Variants in GGCX observed in about 807,000 individuals in gnomAD.
The protein encoded by GGCX is vitamin K-dependent gamma-carboxylase.
Under a neutral mutation model 88.5 loss-of-function variants are expected in GGCX, and 63 were observed. The observed-to-expected ratio is 0.71, with a 90% CI of 0.58 to 0.88. The LOEUF is 0.88. GGCX is among the 40% of genes least tolerant of loss of function. GGCX has a pLI of 0.00. For missense variants in GGCX, 805 were observed against 932.9 expected (o/e 0.86, Z 1.79); for synonymous variants, 368 against 365.8 (o/e 1.01, Z -0.07).
chr2:85,550,637 C>CCT lies in GGCX; in HGVS notation c.2000_2001dup (p.Glu668ArgfsTer31). ...GGAGTATTTCGCCGGCGTTCAATCT[C>CCT]CTGGAGCCTTTGTTGGCGTCTAAGA... On this transcript the variant is annotated frameshift_variant, in exon 14 of 15. Coordinates refer to ENST00000233838, the MANE Select transcript of GGCX (RefSeq NM_000821.7). LOFTEE classifies it high-confidence loss of function. The CCT allele has an allele frequency of 6.2e-7, 1 of 1,614,044 alleles. No individual in the cohort carries two copies. Among genetic ancestry groups the CCT allele is most frequent in the Non-Finnish European group, 8.5e-7 (1 of 1,179,902 alleles).
intron 12 of GGCX, 36 bp downstream of exon 12, chr2:85,551,444 C>T (rs776151639): frequency 1.6e-5 from 25 of 1,609,140 alleles, no homozygotes; most frequent in South Asian, 2.2e-5. Context: ...CTACTGCACT[C>T]AGTTCTTTCT....
chr2:85,557,469 C>T (rs2103981334), intron 4 of GGCX, among the ~76,000 whole-genome samples: 1 of 152,308 alleles, frequency 6.6e-6, no homozygotes, highest in Non-Finnish European at 1.5e-5. Context: ...GCCTGGGCGA[C>T]ACAGTGAGAT....
rs557228790 is a variant in GGCX, at chr2:85,551,852, T to G, written c.1569A>C (p.Leu523=). 8.1e-6 allele frequency: 13 copies of G among 1,614,024 alleles called. No homozygotes were observed. Among genetic ancestry groups the G allele is most frequent in the South Asian group, 2.2e-5 (2 of 91,084 alleles). The change falls in exon 11 of 15, where the codon CTA becomes CTC. Residue 523 remains leucine (L), a synonymous_variant. Transcript: ENST00000233838. Reference sequence around the variant, plus strand: ...TGAAGACCACCTCAGTGTGGTTGTCTAGGCTGCTCTTGATTTCCTGTAACT... The same window carrying G: ...TGAAGACCACCTCAGTGTGGTTGTCGAGGCTGCTCTTGATTTCCTGTAACT... ...RAKLQEIKSS[L]DNHTEVVFIA...
chr2:85,559,607 C>G (rs1004160902), intron 2 of GGCX, among the ~76,000 whole-genome samples: 1 of 151,996 alleles, frequency 6.6e-6, no homozygotes, highest in African/African-American at 2.4e-5. Context: ...CCCAGCTACT[C>G]GGGAAGCTGA....
rs1431383839 is a variant in GGCX at position 85,545,911 on chromosome 2, C to T, written c.*4023G>A. ...AAATAATGCAAATTAGCTGAAAATG[C>T]TATAAATTTCCAAAGGCTTAAATTT... On this transcript the variant is annotated 3_prime_UTR_variant, in exon 15 of 15. Coordinates refer to ENST00000233838, the MANE Select transcript of GGCX (RefSeq NM_000821.7). 2 of 152,186 alleles carry T rather than the reference C, an allele frequency of 1.3e-5. No homozygotes were observed. The highest frequency in any genetic ancestry group is 1.5e-5 in the Non-Finnish European group (1 of 68,038). 9.4% of individuals were successfully genotyped at this position (152,186 alleles called of 1,614,324 possible).
Position 85,550,665 on chromosome 2 carries a change from G to C in GGCX, c.1974C>G (p.Thr658=), listed in dbSNP as rs764091633. The C allele has an allele frequency of 3.7e-6, 6 of 1,613,828 alleles. No individual in the cohort carries two copies. The East Asian group carries it at 1.3e-4, about 36-fold the overall frequency. ...GGAGCCTTTGTTGGCGTCTAAGAAA[G>C]GTCTGAACCAGAGGTGTTGGCTCAG... ...GGPEPTPLVQ[T]FLRRQQRLQE... The change falls in exon 14 of 15, where the codon ACC becomes ACG. Residue 658 remains threonine (T), a synonymous_variant. Transcript: ENST00000233838.
chr2:85,555,500 G>A lies in GGCX; in HGVS notation c.709C>T (p.Leu237Phe). 1 of 1,580,322 alleles carries A rather than the reference G, an allele frequency of 6.3e-7. No individual in the cohort carries two copies. Among genetic ancestry groups the A allele is most frequent in the Non-Finnish European group, 8.7e-7 (1 of 1,149,156 alleles). The change falls in exon 6 of 15, where the codon CTC becomes TTC. Residue 237 changes from leucine to phenylalanine, a missense_variant. Physicochemically the swap from Leu to Phe is conservative, Grantham distance 22 (BLOSUM62 0). Around this residue, in one of 3 missense-constraint regions of GGCX, gnomAD observed 680 missense variants for 763.7 expected, o/e 0.89. Coordinates refer to ENST00000233838, the MANE Select transcript of GGCX (RefSeq NM_000821.7). ...GCCACTCACTTGAAGGGACTGAAGAGCCAGTGCCGGGACAAATATTCCATG... is the reference window on the plus strand; with the variant it reads ...GCCACTCACTTGAAGGGACTGAAGAACCAGTGCCGGGACAAATATTCCATG... ...YSMEYLSRHW[L>F]FSPFKLLLSE...
In GGCX at chr2:85,561,481, G is replaced by A. The variant is rs886056381; in HGVS notation, c.-53C>T. The A allele has an allele frequency of 4.3e-6, 6 of 1,389,678 alleles. No homozygotes were observed. Among genetic ancestry groups the A allele is most frequent in the Middle Eastern group, 1.9e-4 (1 of 5,226 alleles). 86.1% of individuals were successfully genotyped at this position (1,389,678 alleles called of 1,614,324 possible). A position where few individuals can be genotyped will look rare whatever the true frequency, so the allele number is the denominator to read the frequency against. On this transcript the variant is annotated 5_prime_UTR_variant, in exon 1 of 15. Coordinates refer to ENST00000233838, the MANE Select transcript of GGCX (RefSeq NM_000821.7). ...CAGCTGCCGCGTCTGAACGGAGGCC[G>A]CCAGGAGAATTTGCTTCCCTAGGCT...
Position 85,551,028 on chromosome 2 carries a change from G to A in GGCX, c.1785C>T (p.Ser595=), listed in dbSNP as rs1283379300. ...CATAGACGTACATGTAGCAAGAAGGGCTAGGTGATGTCGTATACACCTTAT... is the reference window on the plus strand; with the variant it reads ...CATAGACGTACATGTAGCAAGAAGGACTAGGTGATGTCGTATACACCTTAT... ...EYHKVYTTSP[S]PSCYMYVYVN... The change falls in exon 13 of 15, where the codon AGC becomes AGT. Residue 595 remains serine, a synonymous_variant. Transcript: ENST00000233838. 6.2e-7 allele frequency: 1 copy of A among 1,613,408 alleles called. No individual in the cohort carries two copies. The highest frequency in any genetic ancestry group is 8.5e-7 in the Non-Finnish European group (1 of 1,179,296).
chr2:85,551,004 A>C lies in GGCX; in HGVS notation c.1809T>G (p.Tyr603Ter). Reference protein sequence around the residue: ...SPSPSCYMYVYVNTTELALEQ... With the variant: ...SPSPSCYMYV ...CCAGTGCAAGCTCTGTAGTGTTGAC[A>C]TAGACGTACATGTAGCAAGAAGGGC... Residue 603 changes from tyrosine (Y) to a stop codon, truncating the protein, a stop_gained, in exon 13 of 15, where the codon TAT becomes TAG. Transcript: ENST00000233838. LOFTEE classifies it high-confidence loss of function. 4 of 1,613,692 alleles carry C rather than the reference A, an allele frequency of 2.5e-6. No individual in the cohort carries two copies. Among genetic ancestry groups the C allele is most frequent in the Non-Finnish European group, 3.4e-6 (4 of 1,179,568 alleles).
intron 1 of GGCX, 103 bp from the exon 2 acceptor site, chr2:85,561,088 G>C (rs1692429366): frequency 1.0e-6 from 1 of 984,556 alleles, no homozygotes. Context: ...CACCCGGGTC[G>C]GCTCAATGAG....
intron 4 of GGCX, 41 bp from the exon 5 acceptor site, chr2:85,556,301 A>C (rs758098721): frequency 1.1e-4 from 124 of 1,169,102 alleles, no homozygotes; most frequent in Non-Finnish European, 1.5e-4. Flanking sequence ...GAGCTGCTTA[A>C]TGCAGCTACA....
intron 3 of GGCX, 44 bp from the exon 4 acceptor site, chr2:85,558,649 C>A (rs760153640): frequency 2.0e-5 from 30 of 1,480,628 alleles, no homozygotes; most frequent in Non-Finnish European, 2.7e-5. Context: ...GAGATCACCA[C>A]AGGCCCAGTT....
intron 5 of GGCX, among the ~76,000 whole-genome samples, 167 bp from the exon 6 acceptor site, chr2:85,555,757 A>T (rs1238731010): frequency 1.3e-5 from 2 of 152,162 alleles, no homozygotes; most frequent in East Asian, 1.9e-4. Context: ...ACTTATATAT[A>T]TTTTTTAAAT....
chr2:85,553,834 C>A, intron 7 of GGCX: 1 of 470,764 alleles, frequency 2.1e-6, no homozygotes, highest in Non-Finnish European at 3.9e-6. Flanking sequence ...CTCCTGACCT[C>A]AGGTGATCCA....
In GGCX at chr2:85,552,989, T is replaced by C. The variant is rs1692031143; in HGVS notation, c.1237A>G (p.Ile413Val). 1 of 1,613,968 alleles carries C rather than the reference T, an allele frequency of 6.2e-7. No individual in the cohort carries two copies. Among genetic ancestry groups the C allele is most frequent in the African/African-American group, 1.3e-5 (1 of 74,944 alleles). ...VHSRSHQHVK[I>V]TYRDGRTGEL... ...CCAGTGCGGCCATCACGGTAGGTGATCTTCACGTGCTGGTGGGAGCGGGAG... is the reference window on the plus strand; with the variant it reads ...CCAGTGCGGCCATCACGGTAGGTGACCTTCACGTGCTGGTGGGAGCGGGAG... The change falls in exon 9 of 15, where the codon ATC (isoleucine) becomes GTC (valine). Residue 413 changes from isoleucine (I) to valine (V), a missense_variant. Transcript: ENST00000233838.
In GGCX at chr2:85,549,820, C is replaced by CA; in HGVS notation, c.*113_*114insT. ...AGTTAAAAACAGCTTTAGAACCCCG[C>CA]CCCCCCAAAAAAAAAAAAAAAACTT... On this transcript the variant is annotated 3_prime_UTR_variant, in exon 15 of 15. Transcript: ENST00000233838. 1.6e-6 allele frequency: 1 copy of CA among 644,318 alleles called. No homozygotes were observed. Among genetic ancestry groups the CA allele is most frequent in the Non-Finnish European group, 2.7e-6 (1 of 366,942 alleles). The allele number at this position is 644,318 out of a possible 1,614,324, so 39.9% of individuals were successfully genotyped here. A position where few individuals can be genotyped will look rare whatever the true frequency, so the allele number is the denominator to read the frequency against.
In GGCX at chr2:85,558,976, T is replaced by C; in HGVS notation, c.314A>G (p.Asp105Gly). ...GTCAAGTGGCAGTGGGCGTAGGGCA[T>C]CCAGCAAGGGGAAGCGGCACACATC... ...GLDVCRFPLL[D>G]ALRPLPLDWM... The change falls in exon 3 of 15, where the codon GAT becomes GGT. Residue 105 changes from aspartate to glycine, a missense_variant. By Grantham distance (94) the Asp-to-Gly change is moderately conservative. Around this residue, in one of 3 missense-constraint regions of GGCX, gnomAD observed 61 missense variants for 111.9 expected, o/e 0.54. Coordinates refer to ENST00000233838, the MANE Select transcript of GGCX (RefSeq NM_000821.7). 1 of 1,613,958 alleles carries C rather than the reference T, an allele frequency of 6.2e-7. No individual in the cohort carries two copies. The highest frequency in any genetic ancestry group is 8.5e-7 in the Non-Finnish European group (1 of 1,179,848).
At chr2:85,552,898 G>A (rs1558807211) in intron 9 of GGCX, 41 bp downstream of exon 9, 1 of 1,610,618 alleles carries the variant, frequency 6.2e-7, no homozygotes, top group Non-Finnish European at 8.5e-7. Context: ...AGCACAAGGG[G>A]GCTCTGAAGA....
Sources: gnomAD v4.1 joint callset for allele counts (sites outside exome capture counted in the v4.1 genomes callset) on GRCh38, gnomAD v4.1.1 for gene constraint, gnomAD v4.1.1 regional missense constraint, MANE v1.5 for transcripts, NCBI Gene and HGNC (gene_info 2026-07-23, HGNC 2026-07-21) for gene names.